NANOG: variants seen among roughly 807,000 people sequenced by gnomAD.
The protein encoded by NANOG is Nanog homeobox.
A neutral mutation model predicts 17.7 loss-of-function variants in NANOG; 2 were observed. The ratio of observed to expected loss-of-function variants is 0.11; its 90% CI spans 0.05 to 0.36. The LOEUF (loss-of-function observed/expected upper bound fraction) is 0.36, where lower values mean the gene tolerates loss of function less well. NANOG is among the 10% of genes least tolerant of loss of function. The pLI is 1.00. For synonymous variants in NANOG, 81 were observed against 124.7 expected (o/e 0.65, Z 2.33); for missense variants, 174 against 362.1 (o/e 0.48, Z 4.22).
In NANOG at chr12:7,794,744, G is replaced by A. The variant is rs150847430; in HGVS notation, c.567G>A (p.Pro189=). 26 of 1,559,994 alleles carry A rather than the reference G, an allele frequency of 1.7e-5. No homozygotes were observed. Among genetic ancestry groups the A allele is most frequent in the Middle Eastern group, 3.5e-4 (2 of 5,768 alleles). The change falls in exon 4 of 4, where the codon CCG becomes CCA. Residue 189 remains proline (P), a synonymous_variant. Coordinates refer to ENST00000229307, the MANE Select transcript of NANOG (RefSeq NM_024865.4). ...SSYHQGCLVN[P]TGNLPMWSNQ... ...ACCACCAGGGATGCCTGGTGAACCC[G>A]ACTGGGAACCTTCCAATGTGGAGCA...
At chr12:7,789,880 G>C (rs1260019809) in intron 1 of NANOG, 115 bp downstream of exon 1, 3 of 1,103,414 alleles carry the variant, frequency 2.7e-6, no homozygotes, top group Middle Eastern at 2.0e-4. Flanking sequence ...CTATAAAGAA[G>C]TGTTATTATC....
chr12:7,789,885 A>C, intron 1 of NANOG, 120 bp downstream of exon 1: 1 of 1,044,804 alleles, frequency 9.6e-7, no homozygotes, highest in Admixed American at 2.3e-5. Context: ...AAGAAGTGTT[A>C]TTATCAACTA....
At chr12:7,790,348 AATT>A (rs756737140) in intron 1 of NANOG, among the ~76,000 whole-genome samples, 2 of 152,154 alleles carry the variant, frequency 1.3e-5, no homozygotes, top group Admixed American at 6.6e-5. Flanking sequence ...TCCCATGTCT[AATT>A]CTCCTAAGTC....
rs1430448555 is a variant in NANOG, at chr12:7,789,527, T to G, written c.-88T>G. On this transcript the variant is annotated 5_prime_UTR_variant, in exon 1 of 4. Transcript: ENST00000229307. Reference sequence around the variant, plus strand: ...TTTCCTTCTGGAGGTCCTATTTCTCTAACATCTTCCAGAAAAGTCTTAAAG... The same window carrying G: ...TTTCCTTCTGGAGGTCCTATTTCTCGAACATCTTCCAGAAAAGTCTTAAAG... 6.6e-6 allele frequency: 8 copies of G among 1,217,650 alleles called. No homozygotes were observed. The highest frequency in any genetic ancestry group is 9.5e-6 in the Non-Finnish European group (8 of 845,728). The allele number at this position is 1,217,650 out of a possible 1,614,324, so 75.4% of individuals were successfully genotyped here.
rs1272247561 is a variant in NANOG at position 7,796,109 on chromosome 12, AC to A, written c.*1015del. The stretch of plus-strand genomic sequence containing the variant: ...GGGTGGAGAAGGAAATTAGCTGAGG[AC>A]ACTGCTATCTTAGAAATGCATAGAA... On this transcript the variant is annotated 3_prime_UTR_variant, in exon 4 of 4. Transcript: ENST00000229307. 1 of 152,186 alleles carries A rather than the reference AC, an allele frequency of 6.6e-6. No homozygotes were observed. Among genetic ancestry groups the A allele is most frequent in the African/African-American group, 2.4e-5 (1 of 41,452 alleles). The allele number at this position is 152,186 out of a possible 1,614,324, so 9.4% of individuals were successfully genotyped here.
chr12:7,794,949 TCTC>T lies in NANOG; in HGVS notation c.775_777del (p.Pro259del), dbSNP rs1862898005. The T allele has an allele frequency of 5.1e-6, 7 of 1,362,332 alleles. No individual in the cohort carries two copies. The highest frequency in any genetic ancestry group is 7.3e-6 in the Non-Finnish European group (7 of 963,414). The allele number at this position is 1,362,332 out of a possible 1,614,324, so 84.4% of individuals were successfully genotyped here. ...GTCCTGCATGCAGTTCCAGCCAAAT[TCTC>T]CTGCCAGTGACTTGGAGGCTGCCTT... On this transcript the variant is annotated inframe_deletion, in exon 4 of 4. Coordinates refer to ENST00000229307, the MANE Select transcript of NANOG (RefSeq NM_024865.4).
At chr12:7,789,798 T>C (rs1862811977) in intron 1 of NANOG, 33 bp downstream of exon 1, 3 of 1,605,276 alleles carry the variant, frequency 1.9e-6, no homozygotes, top group Non-Finnish European at 2.5e-6. Context: ...AAAGGCCAAG[T>C]TCCTTAAGGG....
At chr12:7,791,981 G>C (rs758836676) in intron 1 of NANOG, among the ~76,000 whole-genome samples, 4 of 152,272 alleles carry the variant, frequency 2.6e-5, no homozygotes, top group Admixed American at 6.5e-5. Flanking sequence ...TGCAATCACG[G>C]CCTCCTGGGT....
At chr12:7,791,337 C>CT (rs1225561827) in intron 1 of NANOG, among the ~76,000 whole-genome samples, 2 of 152,042 alleles carry the variant, frequency 1.3e-5, no homozygotes, top group Non-Finnish European at 2.9e-5. Context: ...TCTCAAACTC[C>CT]TGACCTCAAG....
At chr12:7,793,515 A>G (rs11833259) in intron 2 of NANOG, among the ~76,000 whole-genome samples, 4,825 of 152,310 alleles carry the variant, frequency 0.032, 180 homozygotes, top group East Asian at 0.099. Context: ...GGGTAGGAGA[A>G]ACCCTAACTC....
In NANOG at chr12:7,798,262, A is replaced by C. The variant is rs2120586243; in HGVS notation, c.*3167A>C. 6.6e-6 allele frequency: 1 copy of C among 152,348 alleles called. No homozygotes were observed. The highest frequency in any genetic ancestry group is 6.5e-5 in the Admixed American group (1 of 15,294). The allele number at this position is 152,348 out of a possible 1,614,324, so 9.4% of individuals were successfully genotyped here. Reference sequence around the variant, plus strand: ...GGTCTTGGTTTGCGCCTGTAATCTCAGCTACTTGGAAGGCGGAGGCAGGAT... The same window carrying C: ...GGTCTTGGTTTGCGCCTGTAATCTCCGCTACTTGGAAGGCGGAGGCAGGAT... On this transcript the variant is annotated 3_prime_UTR_variant, in exon 4 of 4. Transcript: ENST00000229307.
In NANOG at chr12:7,795,668, T is replaced by G. The variant is rs1211827266; in HGVS notation, c.*573T>G. On this transcript the variant is annotated 3_prime_UTR_variant, in exon 4 of 4. Coordinates refer to ENST00000229307, the MANE Select transcript of NANOG (RefSeq NM_024865.4). ...CTTGGCTGCCGTCTCTGGCTATAGA[T>G]AAGTAGATCTAATACTAGTTTGGAT... 1.6e-5 allele frequency: 2 copies of G among 128,208 alleles called. No individual in the cohort carries two copies. The highest frequency in any genetic ancestry group is 3.5e-5 in the Non-Finnish European group (2 of 56,478). 7.9% of individuals were successfully genotyped at this position (128,208 alleles called of 1,614,324 possible). A position where few individuals can be genotyped will look rare whatever the true frequency, so the allele number is the denominator to read the frequency against.
chr12:7,796,145 C>T lies in NANOG; in HGVS notation c.*1050C>T, dbSNP rs1444435954. 6.6e-6 allele frequency: 1 copy of T among 152,124 alleles called. No individual in the cohort carries two copies. Among genetic ancestry groups the T allele is most frequent in the African/African-American group, 2.4e-5 (1 of 41,432 alleles). 9.4% of individuals were successfully genotyped at this position (152,124 alleles called of 1,614,324 possible). On this transcript the variant is annotated 3_prime_UTR_variant, in exon 4 of 4. Coordinates refer to ENST00000229307, the MANE Select transcript of NANOG (RefSeq NM_024865.4). Reference sequence around the variant, plus strand: ...TTAGAAATGCATAGAAATAGCTGAGCGTGGTGGCCTATGCCTGTAGTCCCA... The same window carrying T: ...TTAGAAATGCATAGAAATAGCTGAGTGTGGTGGCCTATGCCTGTAGTCCCA...
rs562244854 is a variant in NANOG, at chr12:7,789,736, C to G, written c.122C>G (p.Ser41Cys). 6.2e-7 allele frequency: 1 copy of G among 1,614,104 alleles called. No individual in the cohort carries two copies. Among genetic ancestry groups the G allele is most frequent in the Middle Eastern group, 1.6e-4 (1 of 6,062 alleles). Residue 41 changes from serine to cysteine, a missense_variant, in exon 1 of 4, where the codon TCT (serine) becomes TGT (cysteine). Physicochemically the swap from Ser to Cys is moderately radical, Grantham distance 112. Coordinates refer to ENST00000229307, the MANE Select transcript of NANOG (RefSeq NM_024865.4). The part of the protein sequence containing the change: ...PEENYPSLQM[S>C]SAEMPHTETV... ...GAAAACTATCCATCCTTGCAAATGT[C>G]TTCTGCTGAGATGCCTCACACGGAG... is the stretch of plus-strand genomic sequence containing the variant.
In NANOG at chr12:7,796,545, T is replaced by G. The variant is rs921714774; in HGVS notation, c.*1450T>G. 5 of 152,208 alleles carry G rather than the reference T, an allele frequency of 3.3e-5. No homozygotes were observed. Among genetic ancestry groups the G allele is most frequent in the African/African-American group, 9.6e-5 (4 of 41,456 alleles). 9.4% of individuals were successfully genotyped at this position (152,208 alleles called of 1,614,324 possible). A position where few individuals can be genotyped will look rare whatever the true frequency, so the allele number is the denominator to read the frequency against. ...TTTATGTTCTCACCTTAAGAGCAGC[T>G]ACGCAGGCATCTGTGAATTATACTA... On this transcript the variant is annotated 3_prime_UTR_variant, in exon 4 of 4. Coordinates refer to ENST00000229307, the MANE Select transcript of NANOG (RefSeq NM_024865.4).
rs1392922919 is a variant in NANOG at position 7,796,621 on chromosome 12, G to A, written c.*1526G>A. On this transcript the variant is annotated 3_prime_UTR_variant, in exon 4 of 4. Coordinates refer to ENST00000229307, the MANE Select transcript of NANOG (RefSeq NM_024865.4). ...TCTTGTGCCTGCCCTAAATGTATCT[G>A]ATCTGAGAGCACGTCCCTTCACTCT... 6.6e-6 allele frequency: 1 copy of A among 152,164 alleles called. No homozygotes were observed. Among genetic ancestry groups the A allele is most frequent in the Non-Finnish European group, 1.5e-5 (1 of 68,034 alleles). 9.4% of individuals were successfully genotyped at this position (152,164 alleles called of 1,614,324 possible). A position where few individuals can be genotyped will look rare whatever the true frequency, so the allele number is the denominator to read the frequency against.
At chr12:7,794,292 C>A (rs1481339802) in intron 2 of NANOG, among the ~76,000 whole-genome samples, 165 bp from the exon 3 acceptor site, 4 of 152,072 alleles carry the variant, frequency 2.6e-5, no homozygotes, top group African/African-American at 9.7e-5. Flanking sequence ...TAGCCTGTAG[C>A]GAACTCCTGG....
At chr12:7,794,427 T>C (rs1862887886) in intron 2 of NANOG, 30 bp from the exon 3 acceptor site, 1 of 1,582,870 alleles carries the variant, frequency 6.3e-7, no homozygotes, top group African/African-American at 1.3e-5. Flanking sequence ...ATTATGAATA[T>C]TTTACAATTT....
intron 1 of NANOG, among the ~76,000 whole-genome samples, chr12:7,790,493 T>C (rs941973109): frequency 3.3e-5 from 5 of 152,162 alleles, no homozygotes; most frequent in African/African-American, 1.2e-4. Flanking sequence ...TTCTGACTGG[T>C]AGCTGCAAGG....
Sources: gnomAD v4.1 joint callset for allele counts (sites outside exome capture counted in the v4.1 genomes callset) on GRCh38, gnomAD v4.1.1 for gene constraint, MANE v1.5 for transcripts, NCBI Gene and HGNC (gene_info 2026-07-23, HGNC 2026-07-21) for gene names.